Variants in GTPBP1 observed in about 807,000 individuals in gnomAD.
The protein encoded by GTPBP1 is GTP binding protein 1.
Under a neutral mutation model 62.0 loss-of-function variants are expected in GTPBP1, and 23 were observed. That is an observed-to-expected ratio of 0.37 (90% CI 0.27 to 0.53). The LOEUF is 0.53. Ranked by LOEUF, GTPBP1 falls within the 20% of genes least tolerant of loss-of-function variation. GTPBP1 has a pLI of 0.89. For synonymous variants in GTPBP1, 344 were observed against 364.4 expected, an observed-to-expected ratio of 0.94 and a Z score of 0.64; for missense variants, 640 against 917.3, an observed-to-expected ratio of 0.70 and a Z score of 3.90.
Position 38,726,459 on chromosome 22 carries a change from G to A in GTPBP1, c.1401+19G>A. The A allele has an allele frequency of 1.9e-6, 3 of 1,602,748 alleles. No individual in the cohort carries two copies. The highest frequency in any genetic ancestry group is 2.2e-5 in the South Asian group (2 of 90,658). On this transcript the variant is annotated intron_variant, in intron 8 of 11. Transcript: ENST00000216044. This position sits in a 1 kb window ranked among gnomAD's most constrained non-coding sequence, Gnocchi z 4.1. Reference sequence around the variant, plus strand: ...GAAGAAGGTGAGTAGCGATGATACTGAACGCTCCCCTCAGACTCCATCATG... The same window carrying A: ...GAAGAAGGTGAGTAGCGATGATACTAAACGCTCCCCTCAGACTCCATCATG...
At chr22:38,741,139 C>G, downstream of GTPBP1, 1 of 1,416,494 alleles carries the variant, frequency 7.1e-7, no homozygotes. Context: ...AGCGTCTTTG[C>G]TTAACCACAC....
downstream of GTPBP1, chr22:38,736,425 G>A (rs749269045): frequency 6.6e-7 from 1 of 1,513,474 alleles, no homozygotes. Context: ...GACCTGTGAG[G>A]CCTCACTGAC....
At chr22:38,717,424 C>G (rs1569279127) in intron 4 of GTPBP1, among the ~76,000 whole-genome samples, 1 of 152,126 alleles carries the variant, frequency 6.6e-6, no homozygotes. Flanking sequence ...ATAGGAGGCA[C>G]AGGCCACAGT....
chr22:38,740,436 G>GT (rs1569296860), downstream of GTPBP1: 2 of 1,487,922 alleles, frequency 1.3e-6, no homozygotes, highest in Non-Finnish European at 1.8e-6. This position sits in a 1 kb window ranked among gnomAD's most constrained non-coding sequence, Gnocchi z 4.8. Flanking sequence ...GGTCATGCTG[G>GT]TCCCAGAGAG....
intron 1 of GTPBP1, among the ~76,000 whole-genome samples, chr22:38,707,828 T>C (rs2092614273): frequency 6.6e-6 from 1 of 152,014 alleles, no homozygotes; most frequent in African/African-American, 2.4e-5. Context: ...GAAAAAGTGA[T>C]GGTGTGGAGG....
downstream of GTPBP1, chr22:38,738,668 T>C (rs2145936495): frequency 1.2e-6 from 2 of 1,613,956 alleles, no homozygotes; most frequent in South Asian, 1.1e-5. The surrounding 1 kb of genome is among the most constrained non-coding windows in gnomAD (Gnocchi z 6.6). Context: ...AGGTAACGGC[T>C]GTGGGGCGGA....
At chr22:38,739,850 G>A (rs201615116), downstream of GTPBP1, 1 of 1,613,614 alleles carries the variant, frequency 6.2e-7, no homozygotes, top group Non-Finnish European at 8.5e-7. The surrounding 1 kb of genome is among the most constrained non-coding windows in gnomAD (Gnocchi z 6.7). Context: ...TCTCGCAGCT[G>A]AGCTTGCATC....
At chr22:38,736,445 G>T, downstream of GTPBP1, 1 of 1,384,596 alleles carries the variant, frequency 7.2e-7, no homozygotes. Context: ...CAGAGAAGGT[G>T]GGAAGGGGAG....
At chr22:38,741,164 T>A, downstream of GTPBP1, 1 of 1,183,022 alleles carries the variant, frequency 8.5e-7, no homozygotes, top group Non-Finnish European at 1.2e-6. Flanking sequence ...GCCCAAGGTC[T>A]CTTGACCCCT....
intron 2 of GTPBP1, among the ~76,000 whole-genome samples, chr22:38,712,079 C>T (rs1038699856): frequency 3.0e-4 from 46 of 152,084 alleles, no homozygotes; most frequent in African/African-American, 1.0e-3. Context: ...CGGGGTTTCA[C>T]CATGTTGTCT....
downstream of GTPBP1, chr22:38,740,309 T>A (rs200311518): frequency 6.6e-5 from 106 of 1,604,338 alleles, no homozygotes; most frequent in Non-Finnish European, 7.5e-5. The surrounding 1 kb of genome is among the most constrained non-coding windows in gnomAD (Gnocchi z 4.8). Context: ...GCAGGCCCAC[T>A]TCTTCCGCCA....
chr22:38,722,055 TA>T (rs1354165525), intron 5 of GTPBP1, among the ~76,000 whole-genome samples, 190 bp downstream of exon 5: 9 of 152,246 alleles, frequency 5.9e-5, no homozygotes, highest in Non-Finnish European at 8.8e-5. Flanking sequence ...AAAATAATTA[TA>T]ATAATTTCAA....
chr22:38,715,562 A>G (rs1042816942), intron 2 of GTPBP1, among the ~76,000 whole-genome samples: 2 of 152,028 alleles, frequency 1.3e-5, no homozygotes, highest in Non-Finnish European at 2.9e-5. Context: ...CTGTATTGCA[A>G]TTAATTAATT....
downstream of GTPBP1, chr22:38,736,299 G>A: frequency 3.1e-6 from 5 of 1,613,974 alleles, no homozygotes; most frequent in Non-Finnish European, 4.2e-6. Context: ...ACTCTGAAGC[G>A]GTAGATGCAG....
At chr22:38,736,682 C>T (rs5757266), downstream of GTPBP1, 630 of 234,374 alleles carry the variant, frequency 2.7e-3, 8 homozygotes, top group East Asian at 0.036. Context: ...TTCATAGATG[C>T]TGATGTGGGG....
At chr22:38,712,383 A>T (rs2092645000) in intron 2 of GTPBP1, among the ~76,000 whole-genome samples, 1 of 152,162 alleles carries the variant, frequency 6.6e-6, no homozygotes, top group South Asian at 2.1e-4. Context: ...AGTGGAGAGT[A>T]TGAGGTCCTG....
downstream of GTPBP1, chr22:38,740,981 C>G: frequency 6.3e-7 from 1 of 1,579,500 alleles, no homozygotes; most frequent in South Asian, 1.2e-5. This position sits in a 1 kb window ranked among gnomAD's most constrained non-coding sequence, Gnocchi z 4.8. Flanking sequence ...AGGAGCAGGC[C>G]GAGGCCAGCT....
downstream of GTPBP1, chr22:38,739,572 C>A: frequency 7.8e-7 from 1 of 1,281,292 alleles, no homozygotes; most frequent in Non-Finnish European, 1.1e-6. The surrounding 1 kb of genome is among the most constrained non-coding windows in gnomAD (Gnocchi z 6.7). Flanking sequence ...CACACTGCCA[C>A]CCACCCATGC....
intron 2 of GTPBP1, among the ~76,000 whole-genome samples, chr22:38,714,166 C>T (rs1319804534): frequency 1.3e-5 from 2 of 152,154 alleles, no homozygotes; most frequent in African/African-American, 2.4e-5. Flanking sequence ...AAGAAGAGGG[C>T]ATTAGAGAGT....
Sources: gnomAD v4.1 joint callset for allele counts (sites outside exome capture counted in the v4.1 genomes callset) on GRCh38, gnomAD v4.1.1 for gene constraint, Gnocchi (gnomAD v3.1) non-coding constraint, MANE v1.5 for transcripts, NCBI Gene and HGNC (gene_info 2026-07-23, HGNC 2026-07-21) for gene names.